Variants in SLC9A9 observed in about 807,000 individuals in gnomAD.
The protein encoded by SLC9A9 is solute carrier family 9 member A9, also known as sodium/hydrogen exchanger 9.
Under a neutral mutation model 77.8 loss-of-function variants are expected in SLC9A9, and 62 were observed. The ratio of observed to expected loss-of-function variants is 0.80; its 90% CI spans 0.65 to 0.98. The LOEUF (loss-of-function observed/expected upper bound fraction) is 0.98. SLC9A9 is among the 50% of genes least tolerant of loss of function. The probability of loss-of-function intolerance (pLI) is 0.00; values close to 1 mark genes in which losing one functional copy is unlikely to be tolerated. For synonymous variants in SLC9A9, 320 were observed against 283.5 expected (o/e 1.13, Z -1.29); for missense variants, 775 against 774.9 (o/e 1.00, Z 0.00).
At chr3:143,406,570 A>C (rs1358164877) in intron 12 of SLC9A9, among the ~76,000 whole-genome samples, 1 of 152,074 alleles carries the variant, frequency 6.6e-6, no homozygotes, top group Non-Finnish European at 1.5e-5. Flanking sequence ...CATGTTGGTC[A>C]AGCTGGTCTT....
intron 4 of SLC9A9, among the ~76,000 whole-genome samples, chr3:143,726,251 G>GTA (rs374174460): frequency 7.3e-6 from 1 of 136,934 alleles, no homozygotes; most frequent in Non-Finnish European, 1.5e-5. Flanking sequence ...AATAAAAAAA[G>GTA]AAAAAAAAAA....
intron 11 of SLC9A9, among the ~76,000 whole-genome samples, chr3:143,491,174 C>T (rs2035738536): frequency 6.6e-6 from 1 of 152,122 alleles, no homozygotes; most frequent in Non-Finnish European, 1.5e-5. Flanking sequence ...CTCTGGACAT[C>T]AGAGTCATAT....
At chr3:143,449,916 A>G (rs2034959873) in intron 12 of SLC9A9, among the ~76,000 whole-genome samples, 1 of 92,650 alleles carries the variant, frequency 1.1e-5, no homozygotes, top group Non-Finnish European at 1.9e-5. Flanking sequence ...ATATAATATT[A>G]CATAATATAT....
intron 14 of SLC9A9, among the ~76,000 whole-genome samples, chr3:143,284,916 T>G (rs764137486): frequency 2.6e-5 from 4 of 152,150 alleles, no homozygotes; most frequent in Non-Finnish European, 5.9e-5. Context: ...GACAGCTCTA[T>G]ATGAAGTTTC....
intron 6 of SLC9A9, among the ~76,000 whole-genome samples, chr3:143,624,335 T>A (rs1002711228): frequency 1.1e-4 from 17 of 152,014 alleles, no homozygotes; most frequent in Non-Finnish European, 1.3e-4. Flanking sequence ...TAGACCAATA[T>A]CCCCGATGAA....
At chr3:143,312,632 C>T (rs983529198) in intron 14 of SLC9A9, among the ~76,000 whole-genome samples, 6 of 152,190 alleles carry the variant, frequency 3.9e-5, no homozygotes, top group East Asian at 1.9e-4. Flanking sequence ...TTTTCTACAC[C>T]TTCCTTCAGG....
chr3:143,829,966 G>C (rs1002064658), intron 2 of SLC9A9, among the ~76,000 whole-genome samples: 4 of 152,124 alleles, frequency 2.6e-5, no homozygotes, highest in Non-Finnish European at 4.4e-5. Flanking sequence ...CTCAAAGAAG[G>C]GGGATGGAAG....
At chr3:143,843,989 C>T (rs1199975310) in intron 1 of SLC9A9, among the ~76,000 whole-genome samples, 2 of 152,120 alleles carry the variant, frequency 1.3e-5, no homozygotes, top group African/African-American at 4.8e-5. Context: ...ATTACTGTTC[C>T]TGGTGAAGCA....
intron 15 of SLC9A9, 65 bp from the exon 16 acceptor site, chr3:143,266,994 A>AT: frequency 2.7e-6 from 4 of 1,477,426 alleles, no homozygotes; most frequent in Non-Finnish European, 3.7e-6. Context: ...GCAGTCCTAC[A>AT]ATTTTTTTTT....
intron 6 of SLC9A9, among the ~76,000 whole-genome samples, chr3:143,582,549 G>A (rs2037474497): frequency 6.6e-6 from 1 of 152,206 alleles, no homozygotes; most frequent in African/African-American, 2.4e-5. Flanking sequence ...CAAGCTCTGA[G>A]GTTGCTGGGG....
At chr3:143,702,447 T>C (rs1021379944) in intron 4 of SLC9A9, among the ~76,000 whole-genome samples, 1 of 152,100 alleles carries the variant, frequency 6.6e-6, no homozygotes, top group African/African-American at 2.4e-5. Context: ...AGAGTTTTTA[T>C]AGGCTCTCTT....
intron 14 of SLC9A9, among the ~76,000 whole-genome samples, chr3:143,271,065 G>A (rs967691801): frequency 3.9e-5 from 6 of 152,086 alleles, no homozygotes; most frequent in African/African-American, 1.4e-4. Context: ...TACACATACT[G>A]TCTACACTAC....
intron 14 of SLC9A9, among the ~76,000 whole-genome samples, chr3:143,309,712 T>C (rs1426348747): frequency 6.6e-6 from 1 of 152,182 alleles, no homozygotes; most frequent in Non-Finnish European, 1.5e-5. Flanking sequence ...TATCTAGTCA[T>C]TCCCTTAAAA....
In SLC9A9 at chr3:143,737,836, C is replaced by T. The variant is rs78335908; in HGVS notation, c.534-44529G>A. On this transcript the variant is annotated intron_variant, in intron 4 of 15. Transcript: ENST00000316549. ...ATACCCAGTCTCAGTCACCCCGGCC[C>T]GAGATTTTACCATCAGCAACAGCAG... Among the ~76,000 whole-genome samples the T allele has an allele frequency of 4.8e-3, 723 of 152,168 alleles. 6 individuals are homozygous for T. The highest frequency in any genetic ancestry group is 0.017 in the African/African-American group (702 of 41,520).
chr3:143,794,809 C>T (rs749632796), intron 4 of SLC9A9, among the ~76,000 whole-genome samples, 192 bp downstream of exon 4: 1 of 152,140 alleles, frequency 6.6e-6, no homozygotes, highest in Non-Finnish European at 1.5e-5. Context: ...CAGCAATCCT[C>T]TAGTTTGCTT....
chr3:143,575,515 T>C (rs1386823694), intron 7 of SLC9A9, among the ~76,000 whole-genome samples: 1 of 152,326 alleles, frequency 6.6e-6, no homozygotes, highest in African/African-American at 2.4e-5. Context: ...ATTTTTGGTT[T>C]TTTTTGGTAA....
intron 12 of SLC9A9, among the ~76,000 whole-genome samples, chr3:143,410,677 ATTC>A (rs1475214908): frequency 2.8e-4 from 42 of 152,214 alleles, no homozygotes; most frequent in Middle Eastern, 3.4e-3. Context: ...GCACTTTACT[ATTC>A]TTCTTCTAAT....
At chr3:143,654,206 C>T (rs904427518) in intron 5 of SLC9A9, among the ~76,000 whole-genome samples, 37 of 152,126 alleles carry the variant, frequency 2.4e-4, no homozygotes, top group African/African-American at 8.7e-4. Context: ...AGCTATTCTG[C>T]AAGATATGCA....
intron 14 of SLC9A9, among the ~76,000 whole-genome samples, chr3:143,271,021 C>A (rs1168800513): frequency 6.6e-6 from 1 of 152,196 alleles, no homozygotes; most frequent in African/African-American, 2.4e-5. Flanking sequence ...CCATTCCATC[C>A]CACATGGGAC....
Sources: gnomAD v4.1 joint callset for allele counts (sites outside exome capture counted in the v4.1 genomes callset) on GRCh38, gnomAD v4.1.1 for gene constraint, MANE v1.5 for transcripts, NCBI Gene and HGNC (gene_info 2026-07-23, HGNC 2026-07-21) for gene names.